CHCHD6: variants seen among roughly 807,000 people sequenced by gnomAD.
CHCHD6 encodes coiled-coil-helix-coiled-coil-helix domain containing 6, also known as MICOS complex subunit MIC25.
Under a neutral mutation model 32.3 loss-of-function variants are expected in CHCHD6, and 28 were observed. The ratio of observed to expected loss-of-function variants is 0.87; its 90% CI spans 0.64 to 1.19. The LOEUF is 1.19. Among genes scored for constraint, CHCHD6 ranks in the 50% most tolerant of loss-of-function variants. The pLI, the probability that CHCHD6 is intolerant of heterozygous loss-of-function variation, is 0.00. For missense variants in CHCHD6, 333 were observed against 307.0 expected (o/e 1.08, Z -0.63); for synonymous variants, 122 against 117.5 (o/e 1.04, Z -0.25).
chr3:126,854,996 G>A (rs1941611611), intron 5 of CHCHD6: 1 of 152,220 alleles, frequency 6.6e-6, no homozygotes, highest in Non-Finnish European at 1.5e-5. Context: ...AGGAGGAAGA[G>A]ACTTATGGAC....
intron 1 of CHCHD6, among the ~76,000 whole-genome samples, chr3:126,717,496 C>T (rs1018028039): frequency 1.3e-4 from 20 of 152,218 alleles, no homozygotes; most frequent in Non-Finnish European, 2.2e-4. Context: ...GAAACCCATA[C>T]GGTGGCATGC....
chr3:126,829,792 A>G (rs898431191), intron 4 of CHCHD6, among the ~76,000 whole-genome samples: 6 of 152,162 alleles, frequency 3.9e-5, no homozygotes, highest in Admixed American at 2.6e-4. Flanking sequence ...CACCTCCAGA[A>G]TTGTGATGAA....
chr3:126,840,072 G>A (rs919995559), intron 4 of CHCHD6, among the ~76,000 whole-genome samples: 1 of 152,142 alleles, frequency 6.6e-6, no homozygotes, highest in African/African-American at 2.4e-5. Context: ...GTGGCCTTTC[G>A]TGTCTGGCTT....
intron 4 of CHCHD6, among the ~76,000 whole-genome samples, chr3:126,825,015 T>G (rs1940327831): frequency 6.6e-6 from 1 of 152,246 alleles, no homozygotes; most frequent in Non-Finnish European, 1.5e-5. Flanking sequence ...GAACTTAGAT[T>G]GATTTTAAAC....
intron 4 of CHCHD6, among the ~76,000 whole-genome samples, chr3:126,806,711 G>A (rs548388002): frequency 1.1e-4 from 16 of 152,222 alleles, no homozygotes; most frequent in African/African-American, 3.6e-4. Context: ...TATACCCAAA[G>A]GACTATAAAT....
intron 4 of CHCHD6, among the ~76,000 whole-genome samples, chr3:126,763,899 T>TA (rs1937254886): frequency 1.3e-5 from 2 of 152,172 alleles, no homozygotes; most frequent in South Asian, 2.1e-4. Context: ...TGGTGGTAGT[T>TA]ACTCAGCATT....
At chr3:126,770,405 G>A (rs1453873431) in intron 4 of CHCHD6, among the ~76,000 whole-genome samples, 1 of 152,130 alleles carries the variant, frequency 6.6e-6, no homozygotes, top group Non-Finnish European at 1.5e-5. Context: ...CTTGTGTTGT[G>A]CCAGTTTTCA....
At chr3:126,948,024 G>A (rs1315104964) in intron 6 of CHCHD6, among the ~76,000 whole-genome samples, 2 of 152,288 alleles carry the variant, frequency 1.3e-5, no homozygotes, top group Admixed American at 6.5e-5. Flanking sequence ...GCTGATGTGC[G>A]CCTGGGCCCA....
chr3:126,901,498 G>A (rs2077927645), intron 5 of CHCHD6, among the ~76,000 whole-genome samples: 1 of 152,230 alleles, frequency 6.6e-6, no homozygotes, highest in South Asian at 2.1e-4. Flanking sequence ...TTCCCCACGG[G>A]AAGTGGGAGC....
chr3:126,900,462 G>A (rs1406249943), intron 5 of CHCHD6, among the ~76,000 whole-genome samples: 4 of 152,178 alleles, frequency 2.6e-5, no homozygotes, highest in Non-Finnish European at 5.9e-5. Flanking sequence ...TCTGCCAGCT[G>A]TACAGGAAGC....
chr3:126,833,984 G>C (rs532104771), intron 4 of CHCHD6, among the ~76,000 whole-genome samples: 1 of 147,488 alleles, frequency 6.8e-6, no homozygotes, highest in Non-Finnish European at 1.5e-5. Context: ...AACCCGGGAG[G>C]CGGAGCTTGC....
chr3:126,748,024 A>ACCGC (rs1936573167), intron 4 of CHCHD6, among the ~76,000 whole-genome samples: 1 of 151,412 alleles, frequency 6.6e-6, no homozygotes. Flanking sequence ...TCCTGGCCTC[A>ACCGC]CCGCCCTCTC....
At chr3:126,823,544 A>G (rs968512903) in intron 4 of CHCHD6, among the ~76,000 whole-genome samples, 1 of 152,230 alleles carries the variant, frequency 6.6e-6, no homozygotes, top group Admixed American at 6.5e-5. Flanking sequence ...ATATAGGAAT[A>G]TAATTGATTT....
At chr3:126,734,549 C>G (rs1048609139) in intron 4 of CHCHD6, among the ~76,000 whole-genome samples, 1 of 152,216 alleles carries the variant, frequency 6.6e-6, no homozygotes, top group Admixed American at 6.5e-5. Context: ...CATAAATGCA[C>G]TTTGAACCAG....
rs116543804 is a variant in CHCHD6 at position 126,947,034 on chromosome 3, G to A, written c.567-10382G>A. Among the ~76,000 whole-genome samples the A allele has an allele frequency of 9.9e-3, 1,501 of 152,366 alleles. 24 individuals are homozygous for A. The highest frequency in any genetic ancestry group is 0.034 in the African/African-American group (1,403 of 41,588). Reference sequence around the variant, plus strand: ...GATTTGGGGCCACACGTGTGAGCAGGCGCTGGGCGCGCTCCACAGGAGAAA... The same window carrying A: ...GATTTGGGGCCACACGTGTGAGCAGACGCTGGGCGCGCTCCACAGGAGAAA... On this transcript the variant is annotated intron_variant, in intron 6 of 7. Coordinates refer to ENST00000290913, the MANE Select transcript of CHCHD6 (RefSeq NM_032343.3).
At chr3:126,882,104 GCC>G (rs769425535) in intron 5 of CHCHD6, among the ~76,000 whole-genome samples, 7 of 152,290 alleles carry the variant, frequency 4.6e-5, no homozygotes, top group Admixed American at 2.0e-4. Context: ...ATCCTTCATA[GCC>G]CATAGTGTCC....
chr3:126,709,462 T>C (rs547183813), intron 1 of CHCHD6, among the ~76,000 whole-genome samples: 5 of 152,354 alleles, frequency 3.3e-5, no homozygotes, highest in African/African-American at 1.2e-4. Flanking sequence ...AGTTGTTTTT[T>C]TGCAGGCAAA....
chr3:126,900,873 G>A (rs1002745826), intron 5 of CHCHD6, among the ~76,000 whole-genome samples: 3 of 151,998 alleles, frequency 2.0e-5, no homozygotes, highest in Admixed American at 6.5e-5. Context: ...CAGAGTGCTG[G>A]GATTACAGGT....
At chr3:126,876,945 A>G (rs1247746173) in intron 5 of CHCHD6, among the ~76,000 whole-genome samples, 2 of 152,206 alleles carry the variant, frequency 1.3e-5, no homozygotes, top group East Asian at 3.8e-4. Flanking sequence ...GCGGGTTGCA[A>G]TGGAATCTGA....
Sources: gnomAD v4.1 joint callset for allele counts (sites outside exome capture counted in the v4.1 genomes callset) on GRCh38, gnomAD v4.1.1 for gene constraint, MANE v1.5 for transcripts, NCBI Gene and HGNC (gene_info 2026-07-23, HGNC 2026-07-21) for gene names.